MTHFD1: variants seen among roughly 807,000 people sequenced by gnomAD.
The protein encoded by MTHFD1 is C-1-tetrahydrofolate synthase, cytoplasmic.
MTHFD1 carries 44 observed loss-of-function variants against 110.3 expected under a neutral mutation model. That is an observed-to-expected ratio of 0.40 (90% CI 0.31 to 0.51). The LOEUF is 0.51. Ranked by LOEUF, MTHFD1 falls within the 20% of genes least tolerant of loss-of-function variation. The probability of loss-of-function intolerance (pLI) is 0.60; values close to 1 mark genes in which losing one functional copy is unlikely to be tolerated. For missense variants in MTHFD1, 909 were observed against 1,173.1 expected (o/e 0.77, Z 3.29); for synonymous variants, 402 against 428.8 (o/e 0.94, Z 0.77).
At chr14:64,416,246 A>AAAACAAACAAAC (rs143248526) in intron 6 of MTHFD1, among the ~76,000 whole-genome samples, 1 of 148,852 alleles carries the variant, frequency 6.7e-6, no homozygotes, top group Non-Finnish European at 1.5e-5. Flanking sequence ...CTCTGTCTCT[A>AAAACAAACAAAC]AAATAAACAA....
intron 12 of MTHFD1, among the ~76,000 whole-genome samples, chr14:64,428,000 T>G (rs1173894151): frequency 6.6e-6 from 1 of 152,188 alleles, no homozygotes; most frequent in African/African-American, 2.4e-5. Context: ...GCACCTGTAT[T>G]AAGTACCAGA....
intron 4 of MTHFD1, 30 bp from the exon 5 acceptor site, chr14:64,415,328 T>G (rs2078016762): frequency 6.3e-7 from 1 of 1,584,718 alleles, no homozygotes; most frequent in East Asian, 2.2e-5. Context: ...TTCTGTGTGA[T>G]ATACAAATTA....
chr14:64,439,246 T>G (rs112749130), intron 17 of MTHFD1, 74 bp downstream of exon 17: 21 of 1,081,170 alleles, frequency 1.9e-5, no homozygotes, highest in African/African-American at 1.7e-4. Flanking sequence ...TCCTCCATCC[T>G]CTCTCATACG....
intron 26 of MTHFD1, chr14:64,455,164 C>T: frequency 2.4e-6 from 1 of 417,514 alleles, no homozygotes; most frequent in Non-Finnish European, 4.5e-6. Context: ...TAGGATGAGC[C>T]CAGTTGATAG....
chr14:64,406,087 G>A (rs1401421150), intron 2 of MTHFD1, among the ~76,000 whole-genome samples: 3 of 149,846 alleles, frequency 2.0e-5, no homozygotes, highest in Non-Finnish European at 4.4e-5. Flanking sequence ...CACCCAGGCT[G>A]GAGTGCAATG....
intron 1 of MTHFD1, among the ~76,000 whole-genome samples, chr14:64,398,864 A>G (rs1374061792): frequency 6.6e-6 from 1 of 152,188 alleles, no homozygotes; most frequent in Non-Finnish European, 1.5e-5. Context: ...AGCTATTCAG[A>G]TATGTATTTA....
chr14:64,428,742 T>C (rs959916037), intron 12 of MTHFD1, among the ~76,000 whole-genome samples: 52 of 150,952 alleles, frequency 3.4e-4, no homozygotes, highest in African/African-American at 1.2e-3. Flanking sequence ...TTAGTAGAGA[T>C]GGGGTTTCAC....
At position 64,419,849 on chromosome 14, in the gene MTHFD1, T is replaced by C; in HGVS notation, c.651T>C (p.Gly217=). 6.2e-7 allele frequency: 1 copy of C among 1,614,104 alleles called. No homozygotes were observed. Among genetic ancestry groups the C allele is most frequent in the South Asian group, 1.1e-5 (1 of 91,080 alleles). Reference sequence around the variant, plus strand: ...GTGACATCCTGGTGGTTGCAACTGGTCAGCCTGAAATGGTTAAAGGGGAGT... The same window carrying C: ...GTGACATCCTGGTGGTTGCAACTGGCCAGCCTGAAATGGTTAAAGGGGAGT... ...NKGDILVVAT[G]QPEMVKGEWI... The change falls in exon 8 of 28, where the codon GGT becomes GGC. Residue 217 remains glycine, a synonymous_variant. Transcript: ENST00000652337.
intron 15 of MTHFD1, among the ~76,000 whole-genome samples, chr14:64,434,457 A>C (rs149975469): frequency 6.6e-5 from 10 of 152,062 alleles, no homozygotes; most frequent in Non-Finnish European, 1.2e-4. Flanking sequence ...TCGGGAGGCT[A>C]AGGCAGGAGC....
At chr14:64,445,602 G>A (rs960349902) in intron 22 of MTHFD1, among the ~76,000 whole-genome samples, 8 of 152,190 alleles carry the variant, frequency 5.3e-5, no homozygotes, top group African/African-American at 1.7e-4. Flanking sequence ...GGCCCCAAAT[G>A]AAGTATTTCA....
rs887456337 is a variant in MTHFD1, at chr14:64,411,828, G to A, written c.187-644G>A. ...AGGCAGGAGAATCGCTTGAACCTGG[G>A]AGGCGGAGGTTGTGGTGAGCCAAGA... On this transcript the variant is annotated intron_variant, in intron 3 of 27. Transcript: ENST00000652337. Among the ~76,000 whole-genome samples, 32 of 152,254 alleles carry A rather than the reference G, an allele frequency of 2.1e-4. 1 individual carries two copies. Among genetic ancestry groups the A allele is most frequent in the African/African-American group, 7.5e-4 (31 of 41,556 alleles).
At chr14:64,434,356 G>T (rs1475620943) in intron 15 of MTHFD1, among the ~76,000 whole-genome samples, 1 of 152,080 alleles carries the variant, frequency 6.6e-6, no homozygotes, top group African/African-American at 2.4e-5. Flanking sequence ...TTCGAGACCA[G>T]CCTGAGCAAT....
rs1215252757 is a variant in MTHFD1, at chr14:64,396,960, C to T, written c.42-3833C>T. Among the ~76,000 whole-genome samples the T allele has an allele frequency of 5.5e-5, 8 of 146,024 alleles. No individual in the cohort carries two copies. The East Asian group carries it at 1.7e-3, about 31-fold the overall frequency. ...TCTACTAAAAAATACAAAAAATTAG[C>T]TGGGCGTGGTGGCGGGCGCCTGTAG... On this transcript the variant is annotated intron_variant, in intron 1 of 27. Coordinates refer to ENST00000652337, the MANE Select transcript of MTHFD1 (RefSeq NM_005956.4).
At chr14:64,403,353 C>G (rs958795677) in intron 2 of MTHFD1, among the ~76,000 whole-genome samples, 1 of 151,746 alleles carries the variant, frequency 6.6e-6, no homozygotes, top group Non-Finnish European at 1.5e-5. Context: ...CAGCTCACTG[C>G]AACCTTTGCC....
At chr14:64,406,934 C>T (rs1208892632) in intron 2 of MTHFD1, among the ~76,000 whole-genome samples, 1 of 152,170 alleles carries the variant, frequency 6.6e-6, no homozygotes, top group Non-Finnish European at 1.5e-5. Flanking sequence ...GGGTAGCTTG[C>T]CCAAAGCCAG....
chr14:64,397,181 A>ATATATG (rs2077862752), intron 1 of MTHFD1, among the ~76,000 whole-genome samples: 2 of 15,990 alleles, frequency 1.3e-4, no homozygotes, highest in Non-Finnish European at 2.3e-4. Flanking sequence ...ATATATATAT[A>ATATATG]TATATATATA....
intron 4 of MTHFD1, among the ~76,000 whole-genome samples, chr14:64,413,958 C>T (rs551818415): frequency 2.0e-5 from 3 of 152,254 alleles, no homozygotes; most frequent in South Asian, 2.1e-4. Context: ...GCCTCTTGAG[C>T]AGCTGGGACT....
intron 1 of MTHFD1, among the ~76,000 whole-genome samples, chr14:64,395,869 G>A (rs566523256): frequency 5.3e-5 from 8 of 152,310 alleles, no homozygotes; most frequent in African/African-American, 1.9e-4. Context: ...GTGTCATTGT[G>A]TGTGTGGATT....
intron 21 of MTHFD1, 134 bp from the exon 22 acceptor site, chr14:64,444,559 G>A (rs1263436404): frequency 1.0e-6 from 1 of 1,001,462 alleles, no homozygotes; most frequent in East Asian, 2.5e-5. Context: ...AAGTCCTTAG[G>A]GCAGGAAATA....
Sources: allele counts gnomAD v4.1 joint callset (sites outside exome capture counted in the v4.1 genomes callset), GRCh38; gene constraint gnomAD v4.1.1; transcripts MANE v1.5; gene names NCBI Gene and HGNC (gene_info 2026-07-23, HGNC 2026-07-21).